Variants in PBX3 observed in about 807,000 individuals in gnomAD.
PBX3 encodes PBX homeobox 3.
Under a neutral mutation model 48.5 loss-of-function variants are expected in PBX3, and 14 were observed. That is an observed-to-expected ratio of 0.29 (90% CI 0.19 to 0.45). The LOEUF is 0.45. Ranked by LOEUF, PBX3 falls within the 20% of genes least tolerant of loss-of-function variation. PBX3 has a pLI of 1.00. For missense variants in PBX3, 386 were observed against 546.7 expected (o/e 0.71, Z 2.93); for synonymous variants, 210 against 200.3 (o/e 1.05, Z -0.41).
chr9:125,773,368 GAC>G (rs1304847627), intron 2 of PBX3, among the ~76,000 whole-genome samples: 1 of 152,102 alleles, frequency 6.6e-6, no homozygotes, highest in East Asian at 1.9e-4. Flanking sequence ...AAAGCCTTTT[GAC>G]CACCTCTGAG....
intron 2 of PBX3, among the ~76,000 whole-genome samples, chr9:125,851,390 G>T (rs566535561): frequency 4.2e-4 from 64 of 152,148 alleles, no homozygotes; most frequent in African/African-American, 1.5e-3. Flanking sequence ...GACAGCCTAG[G>T]TAAAAAAGAC....
chr9:125,763,721 T>C (rs1836730003), intron 2 of PBX3, among the ~76,000 whole-genome samples: 1 of 152,342 alleles, frequency 6.6e-6, no homozygotes, highest in African/African-American at 2.4e-5. Flanking sequence ...AAAGCAATGA[T>C]TAATGGCAGT....
rs1386500739 is a variant in PBX3 at position 125,915,945 on chromosome 9, T to C, written c.516+18T>C. On this transcript the variant is annotated intron_variant, in intron 3 of 8. Coordinates refer to ENST00000373489, the MANE Select transcript of PBX3 (RefSeq NM_006195.6). ...ATGAACAGGTCAGCAGCCGCCACTC[T>C]CATAGTCCTACACAAACCCTCTGTT... 8.7e-6 allele frequency: 14 copies of C among 1,610,994 alleles called. No homozygotes were observed. The highest frequency in any genetic ancestry group is 1.2e-5 in the Non-Finnish European group (14 of 1,179,014).
intron 2 of PBX3, among the ~76,000 whole-genome samples, chr9:125,804,990 CAGAT>C (rs1389702818): frequency 1.4e-5 from 2 of 139,148 alleles, no homozygotes; most frequent in Admixed American, 7.3e-5. Context: ...AGGAAGAAGA[CAGAT>C]AAGCTTCTCA....
intron 2 of PBX3, among the ~76,000 whole-genome samples, chr9:125,769,554 A>G (rs771927354): frequency 5.9e-5 from 9 of 152,230 alleles, no homozygotes; most frequent in Non-Finnish European, 8.8e-5. Context: ...AACAGAATAT[A>G]TCGTGAAGCC....
chr9:125,943,786 C>T (rs952602407), intron 5 of PBX3, among the ~76,000 whole-genome samples: 3 of 151,804 alleles, frequency 2.0e-5, no homozygotes, highest in Admixed American at 2.0e-4. Flanking sequence ...AGGGAAACCA[C>T]AAAGGATAAT....
intron 2 of PBX3, among the ~76,000 whole-genome samples, chr9:125,835,594 G>T (rs1376513262): frequency 6.6e-6 from 1 of 152,144 alleles, no homozygotes; most frequent in East Asian, 1.9e-4. Flanking sequence ...CATATGAATG[G>T]TCAACAGGTG....
At chr9:125,953,307 T>C (rs1379013134) in intron 5 of PBX3, among the ~76,000 whole-genome samples, 1 of 152,100 alleles carries the variant, frequency 6.6e-6, no homozygotes, top group Non-Finnish European at 1.5e-5. Flanking sequence ...CAAAACCCTG[T>C]TTCTACAAAA....
chr9:125,803,075 T>C (rs1177488552), intron 2 of PBX3, among the ~76,000 whole-genome samples: 1 of 151,192 alleles, frequency 6.6e-6, no homozygotes, highest in Non-Finnish European at 1.5e-5. Flanking sequence ...ATTTCAGTGA[T>C]TTTTCCCACT....
chr9:125,764,588 C>T (rs931597979), intron 2 of PBX3, among the ~76,000 whole-genome samples: 3 of 152,152 alleles, frequency 2.0e-5, no homozygotes, highest in African/African-American at 7.2e-5. Flanking sequence ...GGGGGAACTA[C>T]ATGCTATAAG....
chr9:125,774,998 C>G (rs1224325824), intron 2 of PBX3, among the ~76,000 whole-genome samples: 2 of 152,076 alleles, frequency 1.3e-5, no homozygotes, highest in Non-Finnish European at 2.9e-5. Context: ...TCCCAAGTAG[C>G]TGGGATTACA....
At chr9:125,827,858 G>A (rs1272870038) in intron 2 of PBX3, among the ~76,000 whole-genome samples, 1 of 152,160 alleles carries the variant, frequency 6.6e-6, no homozygotes, top group Non-Finnish European at 1.5e-5. Context: ...TATAGAGTAT[G>A]TGTATATCCA....
chr9:125,765,058 C>T (rs181522153), intron 2 of PBX3, among the ~76,000 whole-genome samples: 6 of 152,020 alleles, frequency 3.9e-5, no homozygotes, highest in African/African-American at 9.7e-5. Flanking sequence ...AATGGAGGCT[C>T]CAGAAGCAGA....
intron 2 of PBX3, among the ~76,000 whole-genome samples, chr9:125,865,661 C>A (rs566805976): frequency 6.6e-6 from 1 of 152,116 alleles, no homozygotes. Flanking sequence ...CATAACATTT[C>A]CCTTTTCAAA....
intron 4 of PBX3, among the ~76,000 whole-genome samples, chr9:125,932,013 G>A (rs1394565247): frequency 6.6e-6 from 1 of 152,080 alleles, no homozygotes; most frequent in African/African-American, 2.4e-5. Context: ...TCACTAAATT[G>A]TTCTTTCCTG....
chr9:125,778,402 C>G (rs942478800), intron 2 of PBX3, among the ~76,000 whole-genome samples: 1 of 151,994 alleles, frequency 6.6e-6, no homozygotes, highest in African/African-American at 2.4e-5. Flanking sequence ...GGATTACAGG[C>G]GCCTGCCACC....
At chr9:125,884,915 A>G (rs960686351) in intron 2 of PBX3, among the ~76,000 whole-genome samples, 6 of 152,160 alleles carry the variant, frequency 3.9e-5, no homozygotes, top group Non-Finnish European at 7.4e-5. Context: ...ATGACTTTCA[A>G]TGTATTTTCA....
intron 6 of PBX3, 80 bp from the exon 7 acceptor site, chr9:125,962,022 C>T: frequency 1.4e-6 from 1 of 699,722 alleles, no homozygotes; most frequent in Admixed American, 2.2e-5. Context: ...TGTACTTTTT[C>T]TCATCTCCCT....
intron 2 of PBX3, among the ~76,000 whole-genome samples, chr9:125,849,886 CTGTT>C (rs1340363935): frequency 1.3e-5 from 2 of 152,056 alleles, no homozygotes; most frequent in Non-Finnish European, 2.9e-5. Context: ...AACAGTGTAA[CTGTT>C]TGGGTGTTTT....
Sources: gnomAD v4.1 joint callset for allele counts (sites outside exome capture counted in the v4.1 genomes callset) on GRCh38, gnomAD v4.1.1 for gene constraint, MANE v1.5 for transcripts, NCBI Gene and HGNC (gene_info 2026-07-23, HGNC 2026-07-21) for gene names.